Variants in BCR observed in about 807,000 individuals in gnomAD.
The protein encoded by BCR is BCR activator of RhoGEF and GTPase, also known as breakpoint cluster region protein.
A neutral mutation model predicts 138.6 loss-of-function variants in BCR; 58 were observed. The observed-to-expected ratio is 0.42, with a 90% CI of 0.34 to 0.52. The LOEUF is 0.52. Among genes scored for constraint, BCR ranks in the 20% least tolerant of loss-of-function variants. BCR has a pLI of 0.06. For synonymous variants in BCR, 786 were observed against 730.1 expected (o/e 1.08, Z -1.23); for missense variants, 1,599 against 1,727.2 (o/e 0.93, Z 1.32).
intron 9 of BCR, among the ~76,000 whole-genome samples, 163 bp downstream of exon 9, chr22:23,284,261 C>T (rs181708792): frequency 1.1e-4 from 16 of 152,138 alleles, no homozygotes; most frequent in African/African-American, 3.6e-4. Flanking sequence ...CACTAGCAAT[C>T]TGGAGACGTC....
chr22:23,278,300 A>C (rs762502277), intron 8 of BCR, among the ~76,000 whole-genome samples: 6 of 152,228 alleles, frequency 3.9e-5, no homozygotes, highest in Non-Finnish European at 8.8e-5. Context: ...TTTAGGAAGA[A>C]CACAGACAGC....
rs911360937 is a variant in BCR at position 23,284,097 on chromosome 22, G to A, written c.2236G>A (p.Gly746Ser). 3 of 1,612,422 alleles carry A rather than the reference G, an allele frequency of 1.9e-6. No individual in the cohort carries two copies. Among genetic ancestry groups the A allele is most frequent in the Non-Finnish European group, 2.5e-6 (3 of 1,179,580 alleles). ...CACCAAGCTCAAGAAGCAGAGCGGAGGGTGAGTGACGATGTGGCCCCTGTC... is the reference window on the plus strand; with the variant it reads ...CACCAAGCTCAAGAAGCAGAGCGGAAGGTGAGTGACGATGTGGCCCCTGTC... Reference protein sequence around the residue: ...LCTKLKKQSGGKTQQYDCKWY... With the variant: ...LCTKLKKQSGSKTQQYDCKWY... The change falls in exon 9 of 23, where the codon GGC becomes AGC. Residue 746 changes from glycine to serine, a missense_variant and splice_region_variant. Transcript: ENST00000305877.
Position 23,316,258 on chromosome 22 carries a change from G to A in BCR, c.*736G>A, listed in dbSNP as rs1045724594. The stretch of plus-strand genomic sequence containing the variant: ...TTCGTTCTCCAGGGAGAGCGACCTC[G>A]TCCCCCGATCCTGACCGCCCTTCCG... On this transcript the variant is annotated 3_prime_UTR_variant, in exon 23 of 23. Coordinates refer to ENST00000305877, the MANE Select transcript of BCR (RefSeq NM_004327.4). 4.3e-5 allele frequency: 7 copies of A among 161,654 alleles called. No individual in the cohort carries two copies. The East Asian group carries it at 5.6e-4, about 13-fold the overall frequency. 10.0% of individuals were successfully genotyped at this position (161,654 alleles called of 1,614,324 possible). A position where few individuals can be genotyped will look rare whatever the true frequency, so the allele number is the denominator to read the frequency against.
intron 1 of BCR, among the ~76,000 whole-genome samples, chr22:23,201,485 T>G (rs1009311628): frequency 6.6e-5 from 10 of 151,870 alleles, no homozygotes; most frequent in African/African-American, 1.7e-4. Flanking sequence ...TGAGACGGAG[T>G]CTTGCTCTGT....
At chr22:23,287,426 T>C (rs2073728976) in intron 11 of BCR, 148 bp downstream of exon 11, 1 of 1,329,608 alleles carries the variant, frequency 7.5e-7, no homozygotes, top group East Asian at 2.6e-5. Flanking sequence ...CATTCCTTTG[T>C]CTGGGGCTTT....
rs563142096 is a variant in BCR, at chr22:23,250,444, A to G, written c.1280-3355A>G. ...GTGGTTTTAGTCTCTTTCTCTAGTG[A>G]TAAGTGGAAAAGAGGGATGAGGAAG... On this transcript the variant is annotated intron_variant, in intron 1 of 22. Coordinates refer to ENST00000305877, the MANE Select transcript of BCR (RefSeq NM_004327.4). Among the ~76,000 whole-genome samples the G allele has an allele frequency of 3.9e-5, 6 of 152,278 alleles. No homozygotes were observed. In the South Asian group the frequency reaches 1.2e-3, roughly 32 times the overall value.
At position 23,248,323 on chromosome 22, in the gene BCR, C is replaced by T. The variant is rs116861617; in HGVS notation, c.1280-5476C>T. On this transcript the variant is annotated intron_variant, in intron 1 of 22. Transcript: ENST00000305877. ...CGCGCCATTATACTCCAGCAGTGTC[C>T]GGGCAACAGAGTGAGACTCCATCTC... Among the ~76,000 whole-genome samples the T allele has an allele frequency of 6.3e-3, 945 of 149,726 alleles. 5 individuals carry two copies. Among genetic ancestry groups the T allele is most frequent in the Non-Finnish European group, 9.7e-3 (654 of 67,666 alleles).
At chr22:23,281,343 G>A (rs1404244361) in intron 8 of BCR, among the ~76,000 whole-genome samples, 1 of 152,256 alleles carries the variant, frequency 6.6e-6, no homozygotes, top group Non-Finnish European at 1.5e-5. Context: ...GCTTTGGGAT[G>A]CAGTCAGGAT....
Position 23,253,967 on chromosome 22 carries a change from A to G in BCR, c.1448A>G (p.Glu483Gly). Reference protein sequence around the residue: ...SRDALVSGALESTKASELDLE... With the variant: ...SRDALVSGALGSTKASELDLE... ...GATGCGCTGGTCTCGGGAGCCCTGG[A>G]GTCCACTAAAGCGGTGAGTCCCCAT... The change falls in exon 2 of 23, where the codon GAG becomes GGG. Residue 483 changes from glutamate to glycine, a missense_variant. Physicochemically the swap from Glu to Gly is moderately conservative, Grantham distance 98 (BLOSUM62 -2). Transcript: ENST00000305877. 1 of 1,612,256 alleles carries G rather than the reference A, an allele frequency of 6.2e-7. No individual in the cohort carries two copies. The highest frequency in any genetic ancestry group is 8.5e-7 in the Non-Finnish European group (1 of 1,179,584).
At position 23,311,713 on chromosome 22, in the gene BCR, G is replaced by T. The variant is rs1474391593; in HGVS notation, c.3199G>T (p.Val1067Leu). Residue 1067 changes from valine (V) to leucine (L), a missense_variant, in exon 19 of 23, where the codon GTG (valine) becomes TTG (leucine). By Grantham distance (32) the Val-to-Leu change is conservative. Coordinates refer to ENST00000305877, the MANE Select transcript of BCR (RefSeq NM_004327.4). ...AVVTKRERSK[V>L]PYIVRQCVEE... ...CTCCCGCAGGAGAGAGAGGTCCAAG[G>T]TGCCCTACATCGTGCGCCAGTGCGT... is the stretch of plus-strand genomic sequence containing the variant. 6 of 1,609,522 alleles carry T rather than the reference G, an allele frequency of 3.7e-6. No individual in the cohort carries two copies. The highest frequency in any genetic ancestry group is 2.7e-5 in the African/African-American group (2 of 74,840).
chr22:23,199,176 TAA>T (rs766275426), intron 1 of BCR: 1 of 429,016 alleles, frequency 2.3e-6, no homozygotes, highest in South Asian at 1.7e-5. Context: ...ATTATTAACA[TAA>T]GTCTGGTTTC....
At position 23,186,579 on chromosome 22, in the gene BCR, A is replaced by G. The variant is rs371105574; in HGVS notation, c.1279+4340A>G. Reference sequence around the variant, plus strand: ...CCTGCCCCCAGCCCCTGGCACTGCCATTCTCCATCTGTGTCTCTGAATTCA... The same window carrying G: ...CCTGCCCCCAGCCCCTGGCACTGCCGTTCTCCATCTGTGTCTCTGAATTCA... On this transcript the variant is annotated intron_variant, in intron 1 of 22. Transcript: ENST00000305877. 1.1e-4 allele frequency among the ~76,000 whole-genome samples: 16 copies of G among 152,280 alleles called. No individual in the cohort carries two copies. In the East Asian group the frequency reaches 1.7e-3, roughly 17 times the overall value.
chr22:23,268,790 G>A (rs1298940327), intron 5 of BCR, among the ~76,000 whole-genome samples: 1 of 152,206 alleles, frequency 6.6e-6, no homozygotes, highest in Non-Finnish European at 1.5e-5. Context: ...TCTGTCTGCA[G>A]TGAGGGGTGT....
At chr22:23,315,191 T>C (rs1383693903) in intron 22 of BCR, among the ~76,000 whole-genome samples, 4 of 152,090 alleles carry the variant, frequency 2.6e-5, no homozygotes, top group Non-Finnish European at 5.9e-5. Flanking sequence ...GCCACTGTAC[T>C]CCAGCCTGGG....
intron 1 of BCR, among the ~76,000 whole-genome samples, chr22:23,191,518 G>GCTGTTTCCT (rs2072414985): frequency 6.6e-6 from 1 of 152,098 alleles, no homozygotes; most frequent in Non-Finnish European, 1.5e-5. Flanking sequence ...TTTCTTTAAC[G>GCTGTTTCCT]GTATATTTGC....
chr22:23,283,862 T>G (rs750070604), intron 8 of BCR, 115 bp from the exon 9 acceptor site: 7 of 1,369,962 alleles, frequency 5.1e-6, no homozygotes, highest in Non-Finnish European at 6.7e-6. Context: ...GAGTGAAATC[T>G]TCCCAGGGAG....
At chr22:23,221,861 G>A (rs113489754) in intron 1 of BCR, among the ~76,000 whole-genome samples, 5,096 of 152,234 alleles carry the variant, frequency 0.033, 279 homozygotes, top group African/African-American at 0.11. Context: ...CGGGGCCGAG[G>A]CAGGCAGAAT....
rs562540128 is a variant in BCR at position 23,269,517 on chromosome 22, G to A, written c.1860+1002G>A. On this transcript the variant is annotated intron_variant, in intron 5 of 22. Coordinates refer to ENST00000305877, the MANE Select transcript of BCR (RefSeq NM_004327.4). ...GGCTTTGTTGCTGAGGCTTTGTGCC[G>A]TCTTATTGTTTATCACCGGATGGAG... 1.2e-4 allele frequency among the ~76,000 whole-genome samples: 19 copies of A among 152,288 alleles called. No homozygotes were observed. The South Asian group carries it at 2.1e-3, about 17-fold the overall frequency.
intron 1 of BCR, among the ~76,000 whole-genome samples, chr22:23,218,885 G>A (rs1229281870): frequency 1.3e-5 from 2 of 152,244 alleles, no homozygotes; most frequent in Non-Finnish European, 2.9e-5. Context: ...CTGTTGACTT[G>A]TTTCATTAAG....
Sources: gnomAD v4.1 joint callset for allele counts (sites outside exome capture counted in the v4.1 genomes callset) on GRCh38, gnomAD v4.1.1 for gene constraint, MANE v1.5 for transcripts, NCBI Gene and HGNC (gene_info 2026-07-23, HGNC 2026-07-21) for gene names.